PEX5L: variants seen among roughly 807,000 people sequenced by gnomAD.
PEX5L encodes peroxisomal biogenesis factor 5 like.
Under a neutral mutation model 84.0 loss-of-function variants are expected in PEX5L, and 30 were observed. The ratio of observed to expected loss-of-function variants is 0.36; its 90% CI spans 0.27 to 0.48. The LOEUF (loss-of-function observed/expected upper bound fraction) is 0.48, where lower values mean the gene tolerates loss of function less well. PEX5L is among the 20% of genes least tolerant of loss of function. The pLI, the probability that PEX5L is intolerant of heterozygous loss-of-function variation, is 0.99. For missense variants in PEX5L, 533 were observed against 754.6 expected, an observed-to-expected ratio of 0.71 and a Z score of 3.44; for synonymous variants, 270 against 283.1, an observed-to-expected ratio of 0.95 and a Z score of 0.46.
intron 2 of PEX5L, among the ~76,000 whole-genome samples, chr3:179,909,835 C>T (rs1373518387): frequency 3.3e-5 from 5 of 152,196 alleles, no homozygotes. Flanking sequence ...AGGGAGAAGA[C>T]ATCCACTGAC....
intron 2 of PEX5L, among the ~76,000 whole-genome samples, chr3:179,925,231 G>A (rs1208064475): frequency 6.6e-6 from 1 of 152,088 alleles, no homozygotes; most frequent in Non-Finnish European, 1.5e-5. Context: ...TTTTGAATAG[G>A]TGTTACATTG....
chr3:179,801,576 ACTTTAT>A lies in PEX5L; in HGVS notation c.*246_*251del, dbSNP rs1718861849. 9 of 446,798 alleles carry A rather than the reference ACTTTAT, an allele frequency of 2.0e-5. No individual in the cohort carries two copies. In the South Asian group the frequency reaches 2.8e-4, roughly 14 times the overall value. The allele number at this position is 446,798 out of a possible 1,614,324, so 27.7% of individuals were successfully genotyped here. ...TGGAAAGAGTATTCAACACACAGTT[ACTTTAT>A]CTTGGTTTGTCTTGAGTCTCTTAAT... On this transcript the variant is annotated 3_prime_UTR_variant, in exon 15 of 15. Coordinates refer to ENST00000467460, the MANE Select transcript of PEX5L (RefSeq NM_016559.3).
At chr3:179,853,663 G>A (rs1247148981) in intron 8 of PEX5L, among the ~76,000 whole-genome samples, 3 of 152,148 alleles carry the variant, frequency 2.0e-5, no homozygotes, top group Non-Finnish European at 4.4e-5. Flanking sequence ...GTTCAGGGAA[G>A]ATGCATTTTA....
At chr3:180,031,697 C>T (rs999784968) in intron 1 of PEX5L, among the ~76,000 whole-genome samples, 5 of 152,126 alleles carry the variant, frequency 3.3e-5, no homozygotes, top group Non-Finnish European at 5.9e-5. Context: ...AACCTTTTAA[C>T]AGCTTTAGCT....
chr3:179,959,622 A>G (rs1434306234), intron 2 of PEX5L, among the ~76,000 whole-genome samples: 1 of 152,204 alleles, frequency 6.6e-6, no homozygotes, highest in Non-Finnish European at 1.5e-5. Flanking sequence ...GCAGCATTCT[A>G]TCTTCCTCCT....
chr3:179,920,548 C>T (rs57465243), intron 2 of PEX5L, among the ~76,000 whole-genome samples: 2,653 of 152,164 alleles, frequency 0.017, 77 homozygotes, highest in African/African-American at 0.061. Flanking sequence ...GTGAACCTTA[C>T]GTGTTTGATC....
chr3:179,874,603 A>G (rs1357038885), intron 6 of PEX5L, among the ~76,000 whole-genome samples, 180 bp from the exon 7 acceptor site: 1 of 152,262 alleles, frequency 6.6e-6, no homozygotes, highest in East Asian at 1.9e-4. Context: ...TCAGAATGTA[A>G]GAGGCTACAG....
chr3:179,812,158 T>A (rs982444597), intron 10 of PEX5L, among the ~76,000 whole-genome samples: 5 of 152,178 alleles, frequency 3.3e-5, no homozygotes, highest in African/African-American at 1.2e-4. Flanking sequence ...ATATTAGGTA[T>A]CTTAAAACCA....
chr3:179,970,957 G>A (rs1208191671), intron 2 of PEX5L, among the ~76,000 whole-genome samples: 3 of 152,092 alleles, frequency 2.0e-5, no homozygotes, highest in Admixed American at 2.0e-4. Context: ...GGCATGGGCT[G>A]GAAACCTTCC....
intron 4 of PEX5L, among the ~76,000 whole-genome samples, chr3:179,886,572 A>G (rs1194033935): frequency 3.3e-5 from 5 of 152,092 alleles, no homozygotes; most frequent in Non-Finnish European, 7.4e-5. Context: ...TCTTACTATT[A>G]TCAGACAAAT....
intron 1 of PEX5L, 105 bp from the exon 2 acceptor site, chr3:179,971,770 C>A: frequency 9.3e-7 from 1 of 1,070,450 alleles, no homozygotes; most frequent in Non-Finnish European, 1.3e-6. Context: ...GTTCACCAGT[C>A]ATAATGCATC....
intron 1 of PEX5L, 102 bp from the exon 2 acceptor site, chr3:179,971,767 A>C: frequency 8.9e-7 from 1 of 1,127,450 alleles, no homozygotes; most frequent in Non-Finnish European, 1.2e-6. Flanking sequence ...CTTGTTCACC[A>C]GTCATAATGC....
intron 2 of PEX5L, among the ~76,000 whole-genome samples, chr3:179,948,002 G>A (rs771050761): frequency 1.3e-5 from 2 of 151,882 alleles, no homozygotes; most frequent in Non-Finnish European, 2.9e-5. Context: ...TACCGTGCCT[G>A]GCCAAAAAAG....
intron 1 of PEX5L, chr3:179,974,134 T>G: frequency 7.1e-6 from 7 of 985,558 alleles, no homozygotes; most frequent in Non-Finnish European, 8.4e-6. Flanking sequence ...CGGGAATCCC[T>G]GTCTTCTATC....
At chr3:179,837,406 T>C (rs1183995177) in intron 8 of PEX5L, among the ~76,000 whole-genome samples, 2 of 152,326 alleles carry the variant, frequency 1.3e-5, no homozygotes, top group East Asian at 3.9e-4. Context: ...CTTAACTCTC[T>C]TAATTTTTCT....
chr3:179,962,981 A>C, intron 2 of PEX5L, among the ~76,000 whole-genome samples: 1 of 152,230 alleles, frequency 6.6e-6, no homozygotes, highest in Non-Finnish European at 1.5e-5. Flanking sequence ...CCAGCTTGAA[A>C]GTCTAGTATT....
intron 2 of PEX5L, among the ~76,000 whole-genome samples, chr3:179,915,100 T>C (rs1372974941): frequency 6.6e-6 from 1 of 152,202 alleles, no homozygotes; most frequent in Non-Finnish European, 1.5e-5. Flanking sequence ...AAGGAAGTGA[T>C]TCCTTTGTAT....
intron 2 of PEX5L, among the ~76,000 whole-genome samples, chr3:179,938,591 A>T (rs1351288641): frequency 6.6e-6 from 1 of 152,226 alleles, no homozygotes; most frequent in East Asian, 1.9e-4. Flanking sequence ...ATCCACACAA[A>T]ATAAGAGTTT....
chr3:179,932,195 A>G (rs146987217), intron 2 of PEX5L, among the ~76,000 whole-genome samples: 2 of 152,260 alleles, frequency 1.3e-5, no homozygotes, highest in African/African-American at 4.8e-5. Context: ...TCCAGGACAT[A>G]GGGAGCAGGG....
Sources: allele counts gnomAD v4.1 joint callset (sites outside exome capture counted in the v4.1 genomes callset), GRCh38; gene constraint gnomAD v4.1.1; transcripts MANE v1.5; gene names NCBI Gene and HGNC (gene_info 2026-07-23, HGNC 2026-07-21).